LAMA2: variants seen among roughly 807,000 people sequenced by gnomAD.
LAMA2 encodes the protein laminin subunit alpha 2, also known as laminin subunit alpha-2.
A neutral mutation model predicts 364.8 loss-of-function variants in LAMA2; 269 were observed. That is an observed-to-expected ratio of 0.74 (90% CI 0.67 to 0.82). The LOEUF is 0.82. Among genes scored for constraint, LAMA2 ranks in the 40% least tolerant of loss-of-function variants. The pLI, the probability that LAMA2 is intolerant of heterozygous loss-of-function variation, is 0.00. For missense variants in LAMA2, 3,807 were observed against 3,873.2 expected, an observed-to-expected ratio of 0.98 and a Z score of 0.45; for synonymous variants, 1,379 against 1,370.6, an observed-to-expected ratio of 1.01 and a Z score of -0.14.
At chr6:128,991,044 A>G (rs1451489998) in intron 1 of LAMA2, among the ~76,000 whole-genome samples, 2 of 152,170 alleles carry the variant, frequency 1.3e-5, no homozygotes, top group Admixed American at 6.5e-5. Flanking sequence ...TTAAACGACT[A>G]TAAACACAGC....
At chr6:129,127,864 T>G (rs1211567327) in intron 4 of LAMA2, among the ~76,000 whole-genome samples, 3 of 152,166 alleles carry the variant, frequency 2.0e-5, no homozygotes, top group African/African-American at 7.2e-5. Flanking sequence ...TTTCTTCCTC[T>G]TAAGTTGATG....
chr6:129,201,350 G>C (rs1009592742), intron 12 of LAMA2, among the ~76,000 whole-genome samples: 7 of 152,196 alleles, frequency 4.6e-5, no homozygotes, highest in African/African-American at 1.7e-4. Flanking sequence ...GACCTGCACA[G>C]AGAGAGAGAC....
chr6:129,273,992 T>C (rs1414211467), intron 17 of LAMA2, among the ~76,000 whole-genome samples: 2 of 151,854 alleles, frequency 1.3e-5, no homozygotes, highest in Admixed American at 6.6e-5. Context: ...GCAGTAGAAT[T>C]GGGACTAGAA....
At chr6:128,933,131 C>A (rs762269074) in intron 1 of LAMA2, among the ~76,000 whole-genome samples, 27 of 152,122 alleles carry the variant, frequency 1.8e-4, no homozygotes, top group Admixed American at 1.4e-3. Context: ...TCACCTAGCA[C>A]AATGCCCTTC....
chr6:129,106,253 T>C (rs1451723982), intron 4 of LAMA2, among the ~76,000 whole-genome samples: 1 of 152,126 alleles, frequency 6.6e-6, no homozygotes. Flanking sequence ...TTTCTTCCTC[T>C]TTTCATCATC....
At chr6:129,467,486 A>C (rs1322005440) in intron 51 of LAMA2, among the ~76,000 whole-genome samples, 1 of 151,874 alleles carries the variant, frequency 6.6e-6, no homozygotes, top group Non-Finnish European at 1.5e-5. Context: ...ACAAACCTTC[A>C]TATGCACCAC....
chr6:128,886,710 T>G (rs948480160), intron 1 of LAMA2, among the ~76,000 whole-genome samples: 2 of 152,184 alleles, frequency 1.3e-5, no homozygotes, highest in Non-Finnish European at 2.9e-5. Context: ...AGGCTGAAGG[T>G]GGATCCATAG....
chr6:128,921,112 A>G (rs1398620811), intron 1 of LAMA2, among the ~76,000 whole-genome samples: 2 of 152,198 alleles, frequency 1.3e-5, no homozygotes, highest in Non-Finnish European at 2.9e-5. Context: ...ATAGTAACAT[A>G]ATTTTCAGTA....
At position 129,244,943 on chromosome 6, in the gene LAMA2, GT is replaced by G. The variant is rs200431049; in HGVS notation, c.1783-5164del. The stretch of plus-strand genomic sequence containing the variant: ...TATAATATTACTTGCAAACAAGCTG[GT>G]TTTTCCCCCTGAAGGTAGAATTAAA... On this transcript the variant is annotated intron_variant, in intron 12 of 64. Transcript: ENST00000421865. Among the ~76,000 whole-genome samples the G allele has an allele frequency of 1.6e-3, 241 of 152,256 alleles. 4 individuals carry two copies. The highest frequency in any genetic ancestry group is 0.015 in the Admixed American group (224 of 15,272).
chr6:129,324,518 A>C (rs1583494891), intron 28 of LAMA2, among the ~76,000 whole-genome samples: 1 of 152,348 alleles, frequency 6.6e-6, no homozygotes, highest in South Asian at 2.1e-4. Context: ...TATATTATGC[A>C]GTCATGTGCT....
At position 129,195,518 on chromosome 6, in the gene LAMA2, ACTTT is replaced by A. The variant is rs1198598384; in HGVS notation, c.1782+2668_1782+2671del. On this transcript the variant is annotated intron_variant, in intron 12 of 64. Transcript: ENST00000421865. ...CTAGGAAAACTTAGCACGTTTTTAT[ACTTT>A]CTATTTTTGAAATTCCCACAGTCTC... 2.0e-5 allele frequency among the ~76,000 whole-genome samples: 3 copies of A among 152,246 alleles called. No individual in the cohort carries two copies. The East Asian group carries it at 5.8e-4, about 29-fold the overall frequency.
intron 1 of LAMA2, among the ~76,000 whole-genome samples, chr6:128,930,462 C>T (rs1047535334): frequency 1.3e-5 from 2 of 152,172 alleles, no homozygotes; most frequent in Non-Finnish European, 2.9e-5. Flanking sequence ...ACGAGTTTTA[C>T]AAGCCAGTGC....
intron 29 of LAMA2, among the ~76,000 whole-genome samples, chr6:129,333,896 C>T (rs1385353901): frequency 1.3e-5 from 2 of 152,154 alleles, no homozygotes; most frequent in African/African-American, 4.8e-5. Context: ...ACTATTATGA[C>T]TATTTTTGTT....
At chr6:129,508,556 A>G (rs75355015) in intron 62 of LAMA2, among the ~76,000 whole-genome samples, 10 of 151,960 alleles carry the variant, frequency 6.6e-5, no homozygotes, top group South Asian at 2.1e-4. Context: ...TCTACTTTCT[A>G]TCTATCTCCA....
intron 12 of LAMA2, among the ~76,000 whole-genome samples, chr6:129,202,187 CAAAAAAAAAAAA>C (rs776190977): frequency 3.2e-4 from 20 of 62,162 alleles, no homozygotes; most frequent in African/African-American, 1.1e-3. Flanking sequence ...GAGTCTGTCT[CAAAAAAAAAAAA>C]AAAAAAAAAA....
rs544271722 is a variant in LAMA2, at chr6:129,066,038, G to GTTTTTTTTTTTTTTTTTTT, written c.396+6149_396+6167dup. 4.9e-4 allele frequency among the ~76,000 whole-genome samples: 18 copies of GTTTTTTTTTTTTTTTTTTT among 37,112 alleles called. 1 individual carries two copies. The highest frequency in any genetic ancestry group is 1.4e-3 in the African/African-American group (16 of 11,698). 24.3% of individuals were successfully genotyped at this position (37,112 alleles called of 152,430 possible). A position where few individuals can be genotyped will look rare whatever the true frequency, so the allele number is the denominator to read the frequency against. On this transcript the variant is annotated intron_variant, in intron 3 of 64. Transcript: ENST00000421865. Reference sequence around the variant, plus strand: ...TCTTTTGTAAATTGCCCAGTCTCAGGTTTTTTTTTTTTTTTTTTTTTTTTT... The same window carrying GTTTTTTTTTTTTTTTTTTT: ...TCTTTTGTAAATTGCCCAGTCTCAGGTTTTTTTTTTTTTTTTTTTTTTTTTTTTTTTTTTTTTTTTTTTT...
chr6:129,290,678 A>G (rs921135884), intron 19 of LAMA2, among the ~76,000 whole-genome samples: 2 of 152,194 alleles, frequency 1.3e-5, no homozygotes, highest in African/African-American at 4.8e-5. Context: ...ATATAAATGC[A>G]ATTATATGTA....
intron 37 of LAMA2, among the ~76,000 whole-genome samples, chr6:129,396,736 G>A (rs1049964516): frequency 3.9e-5 from 6 of 152,116 alleles, no homozygotes; most frequent in African/African-American, 1.2e-4. Context: ...AAGGCAGTGC[G>A]GATCAAGTAA....
At position 129,456,406 on chromosome 6, in the gene LAMA2, A is replaced by C; in HGVS notation, c.6779A>C (p.His2260Pro). 6.2e-7 allele frequency: 1 copy of C among 1,613,478 alleles called. No individual in the cohort carries two copies. Among genetic ancestry groups the C allele is most frequent in the Non-Finnish European group, 8.5e-7 (1 of 1,179,532 alleles). The change falls in exon 48 of 65, where the codon CAC becomes CCC. Residue 2260 changes from histidine to proline, a missense_variant. Physicochemically the swap from His to Pro is moderately conservative, Grantham distance 77 (BLOSUM62 -2). This residue lies in a region of LAMA2 where 3,333 missense variants were observed against 3,345.7 expected (regional missense o/e 1.00). Coordinates refer to ENST00000421865, the MANE Select transcript of LAMA2 (RefSeq NM_000426.4). ...GPKASIVPSTHHSTSPPGYTI... is the reference protein window; with the variant it reads ...GPKASIVPSTPHSTSPPGYTI... ...AAAGCCAGCATTGTGCCCAGCACAC[A>C]CCATTCGACGTCTCCTCCAGGGTAC...
Sources: allele counts gnomAD v4.1 joint callset (sites outside exome capture counted in the v4.1 genomes callset), GRCh38; gene constraint gnomAD v4.1.1; regional missense constraint gnomAD v4.1.1; transcripts MANE v1.5; gene names NCBI Gene and HGNC (gene_info 2026-07-23, HGNC 2026-07-21).